Variants in TBC1D5 observed in about 807,000 individuals in gnomAD.
TBC1D5 encodes TBC1 domain family, member 5.
TBC1D5 carries 75 observed loss-of-function variants against 100.3 expected under a neutral mutation model. The observed-to-expected ratio is 0.75, with a 90% CI of 0.62 to 0.91. The LOEUF (loss-of-function observed/expected upper bound fraction) is 0.91. TBC1D5 is among the 40% of genes least tolerant of loss of function. The pLI is 0.00. For missense variants in TBC1D5, 910 were observed against 942.4 expected (o/e 0.97, Z 0.45); for synonymous variants, 323 against 325.6 (o/e 0.99, Z 0.09).
intron 3 of TBC1D5, among the ~76,000 whole-genome samples, chr3:17,506,781 C>A (rs567760726): frequency 2.7e-4 from 41 of 151,298 alleles, no homozygotes; most frequent in African/African-American, 8.7e-4. Flanking sequence ...AAAAAAAAAA[C>A]CTCAGTATTT....
At chr3:17,484,705 C>T (rs1311646433) in intron 3 of TBC1D5, among the ~76,000 whole-genome samples, 1 of 151,878 alleles carries the variant, frequency 6.6e-6, no homozygotes, top group Non-Finnish European at 1.5e-5. Context: ...GGGTGGTCTT[C>T]CACTCTGGGC....
At chr3:17,533,053 TCACACACACACACATACACAGACACA>T (rs1320565457) in intron 2 of TBC1D5, among the ~76,000 whole-genome samples, 1 of 139,978 alleles carries the variant, frequency 7.1e-6, no homozygotes, top group Non-Finnish European at 1.5e-5. Context: ...TGAGATCCTG[TCACACACACACACATACACAGACACA>T]CACACACACA....
At chr3:17,455,248 GTATATATGTATACATATATACA>G (rs2095036871) in intron 3 of TBC1D5, among the ~76,000 whole-genome samples, 1 of 141,370 alleles carries the variant, frequency 7.1e-6, no homozygotes, top group Non-Finnish European at 1.5e-5. Context: ...ATATATTATT[GTATATATGTATACATATATACA>G]TATATGTGTG....
chr3:17,405,259 A>G (rs2093741719), intron 5 of TBC1D5, among the ~76,000 whole-genome samples: 1 of 152,078 alleles, frequency 6.6e-6, no homozygotes, highest in African/African-American at 2.4e-5. Context: ...AGGTTCAAAT[A>G]TAATTCACAT....
intron 2 of TBC1D5, among the ~76,000 whole-genome samples, chr3:17,528,281 C>A (rs1320902396): frequency 2.0e-5 from 3 of 152,208 alleles, no homozygotes; most frequent in African/African-American, 7.2e-5. Flanking sequence ...GCCATCAGGA[C>A]TTCACCCTAA....
chr3:17,490,895 T>G (rs1007248271), intron 3 of TBC1D5, among the ~76,000 whole-genome samples: 1 of 152,246 alleles, frequency 6.6e-6, no homozygotes, highest in African/African-American at 2.4e-5. Flanking sequence ...TAAATTACTT[T>G]CAGCAGTATG....
chr3:17,729,682 G>A (rs1407649489), intron 1 of TBC1D5, among the ~76,000 whole-genome samples: 1 of 151,268 alleles, frequency 6.6e-6, no homozygotes, highest in Non-Finnish European at 1.5e-5. Flanking sequence ...ACTACAGCCA[G>A]GGAGACAGAG....
chr3:17,594,373 C>T (rs1022901449), intron 2 of TBC1D5, among the ~76,000 whole-genome samples: 1 of 152,138 alleles, frequency 6.6e-6, no homozygotes, highest in Non-Finnish European at 1.5e-5. Context: ...GGTCCAGAAC[C>T]CTTAGGAATG....
intron 1 of TBC1D5, among the ~76,000 whole-genome samples, chr3:17,650,184 C>T (rs899217030): frequency 1.3e-5 from 2 of 152,064 alleles, no homozygotes; most frequent in Admixed American, 1.3e-4. Flanking sequence ...GGAGAAATAC[C>T]TCATGTAGGT....
chr3:17,498,609 T>C (rs551678594), intron 3 of TBC1D5, among the ~76,000 whole-genome samples: 1 of 152,264 alleles, frequency 6.6e-6, no homozygotes, highest in Non-Finnish European at 1.5e-5. Flanking sequence ...ATACAATTTA[T>C]AATCTGCTAC....
At chr3:17,736,876 G>C (rs370459851) in intron 1 of TBC1D5, among the ~76,000 whole-genome samples, 106 of 152,220 alleles carry the variant, frequency 7.0e-4, no homozygotes, top group African/African-American at 2.5e-3. Flanking sequence ...AGCTGGGCTT[G>C]GTGGCATGTA....
intron 18 of TBC1D5, among the ~76,000 whole-genome samples, chr3:17,185,620 T>G (rs1274584757): frequency 6.6e-6 from 1 of 152,036 alleles, no homozygotes; most frequent in Non-Finnish European, 1.5e-5. Flanking sequence ...AAACATTGCG[T>G]TTTTTTCACA....
At chr3:17,706,769 A>G (rs1224633544) in intron 1 of TBC1D5, among the ~76,000 whole-genome samples, 1 of 151,958 alleles carries the variant, frequency 6.6e-6, no homozygotes, top group Non-Finnish European at 1.5e-5. Flanking sequence ...AATTTAAATT[A>G]TCTTTGTTTT....
chr3:17,528,647 G>C (rs982455770), intron 2 of TBC1D5, among the ~76,000 whole-genome samples: 2 of 151,974 alleles, frequency 1.3e-5, no homozygotes, highest in Non-Finnish European at 2.9e-5. Flanking sequence ...TACTTGGGCA[G>C]ATCTATAGGG....
intron 1 of TBC1D5, among the ~76,000 whole-genome samples, chr3:17,703,346 G>C (rs1176193603): frequency 6.6e-6 from 1 of 151,706 alleles, no homozygotes; most frequent in South Asian, 2.1e-4. Flanking sequence ...TCCATGCATA[G>C]AAAATGTTCC....
intron 15 of TBC1D5, among the ~76,000 whole-genome samples, chr3:17,267,394 G>T (rs1316518109): frequency 2.0e-5 from 3 of 151,854 alleles, no homozygotes; most frequent in African/African-American, 7.3e-5. Flanking sequence ...GTAATGGTGG[G>T]GGTGGGAGAG....
chr3:17,294,646 C>T (rs1192923784), intron 14 of TBC1D5, among the ~76,000 whole-genome samples: 3 of 152,198 alleles, frequency 2.0e-5, no homozygotes, highest in Middle Eastern at 3.2e-3. Context: ...ATCCATCCAT[C>T]CAGTCACTGC....
chr3:17,530,074 T>G (rs575563552), intron 2 of TBC1D5, among the ~76,000 whole-genome samples: 2 of 151,942 alleles, frequency 1.3e-5, no homozygotes, highest in Non-Finnish European at 2.9e-5. Flanking sequence ...TGAAATCCCA[T>G]CTCTACTAAA....
chr3:17,495,505 G>C (rs2095694773), intron 3 of TBC1D5, among the ~76,000 whole-genome samples: 1 of 152,182 alleles, frequency 6.6e-6, no homozygotes, highest in Admixed American at 6.5e-5. Context: ...TGTTTACAGA[G>C]AACAGCAGAT....
Sources: allele counts gnomAD v4.1 joint callset (sites outside exome capture counted in the v4.1 genomes callset), GRCh38; gene constraint gnomAD v4.1.1; transcripts MANE v1.5; gene names NCBI Gene and HGNC (gene_info 2026-07-23, HGNC 2026-07-21).